Variants in LRRN1 observed in about 807,000 individuals in gnomAD.
LRRN1 encodes the protein leucine-rich repeat neuronal protein 1.
A neutral mutation model predicts 45.8 loss-of-function variants in LRRN1; 14 were observed. The observed-to-expected ratio is 0.31, with a 90% CI of 0.20 to 0.48. The LOEUF (loss-of-function observed/expected upper bound fraction) is 0.48, where lower values mean the gene tolerates loss of function less well. LRRN1 is among the 20% of genes least tolerant of loss of function. The pLI is 0.99. For missense variants in LRRN1, 789 were observed against 874.2 expected (o/e 0.90, Z 1.23); for synonymous variants, 359 against 330.1 (o/e 1.09, Z -0.95).
rs145208261 is a variant in LRRN1, at chr3:3,834,747, C to T, written c.-278-9617C>T. 8.1e-3 allele frequency among the ~76,000 whole-genome samples: 1,226 copies of T among 151,164 alleles called. 19 individuals carry two copies. The highest frequency in any genetic ancestry group is 0.028 in the African/African-American group (1,167 of 41,130). On this transcript the variant is annotated intron_variant, in intron 1 of 1. Transcript: ENST00000319331. Reference sequence around the variant, plus strand: ...GAACTTGGAGTCTGATGTTCGAGGGCAGGAAGCATCCAGCACAGGAGAAAG... The same window carrying T: ...GAACTTGGAGTCTGATGTTCGAGGGTAGGAAGCATCCAGCACAGGAGAAAG...
At chr3:3,808,400 G>C (rs1448139506) in intron 1 of LRRN1, among the ~76,000 whole-genome samples, 2 of 152,188 alleles carry the variant, frequency 1.3e-5, no homozygotes, top group African/African-American at 2.4e-5. Context: ...CCGCAACTAA[G>C]TACCTTGCCC....
Position 3,822,340 on chromosome 3 carries a change from G to A in LRRN1, c.-278-22024G>A, listed in dbSNP as rs1693121378. Among the ~76,000 whole-genome samples, 3 of 152,130 alleles carry A rather than the reference G, an allele frequency of 2.0e-5. No individual in the cohort carries two copies. The South Asian group carries it at 6.2e-4, about 32-fold the overall frequency. ...ATTAACATTAAGATGTAAAAAATTA[G>A]GTGTCTGCAAGGTTAGAAAATAACT... On this transcript the variant is annotated intron_variant, in intron 1 of 1. Transcript: ENST00000319331.
At chr3:3,825,238 G>T (rs917203463) in intron 1 of LRRN1, among the ~76,000 whole-genome samples, 1 of 152,178 alleles carries the variant, frequency 6.6e-6, no homozygotes, top group Non-Finnish European at 1.5e-5. Flanking sequence ...GGGCTAAAGT[G>T]CCATCCATGC....
intron 1 of LRRN1, among the ~76,000 whole-genome samples, chr3:3,834,525 G>GACATATATATATAT (rs750534210): frequency 0.018 from 484 of 27,316 alleles, 40 homozygotes; most frequent in Non-Finnish European, 0.023. Context: ...GACAGAACAG[G>GACATATATATATAT]ATATATATAT....
chr3:3,812,240 G>A (rs973412418), intron 1 of LRRN1, among the ~76,000 whole-genome samples: 1 of 152,168 alleles, frequency 6.6e-6, no homozygotes, highest in East Asian at 1.9e-4. Flanking sequence ...TATCACACAA[G>A]TAAATGTAAA....
At chr3:3,828,080 C>G (rs928599058) in intron 1 of LRRN1, among the ~76,000 whole-genome samples, 2 of 151,194 alleles carry the variant, frequency 1.3e-5, no homozygotes, top group East Asian at 3.9e-4. Flanking sequence ...TGAGGGCTCA[C>G]TATGTGCTGG....
chr3:3,810,665 C>T (rs1438136919), intron 1 of LRRN1, among the ~76,000 whole-genome samples: 1 of 152,134 alleles, frequency 6.6e-6, no homozygotes, highest in African/African-American at 2.4e-5. Context: ...CCTGATCACA[C>T]CACTGTACTC....
At chr3:3,840,521 A>G (rs1693626865) in intron 1 of LRRN1, among the ~76,000 whole-genome samples, 1 of 152,228 alleles carries the variant, frequency 6.6e-6, no homozygotes. Flanking sequence ...TGTTCTATGT[A>G]TAATGTCACA....
At chr3:3,835,783 G>A (rs779944687) in intron 1 of LRRN1, among the ~76,000 whole-genome samples, 1 of 151,888 alleles carries the variant, frequency 6.6e-6, no homozygotes, top group Non-Finnish European at 1.5e-5. Context: ...TCTCCGCCAA[G>A]TGCAGTGATG....
At position 3,846,198 on chromosome 3, in the gene LRRN1, C is replaced by T. The variant is rs775608325; in HGVS notation, c.1557C>T (p.Thr519=). Residue 519 remains threonine (T), a synonymous_variant, in exon 2 of 2, where the codon ACC becomes ACT. Coordinates refer to ENST00000319331, the MANE Select transcript of LRRN1 (RefSeq NM_020873.7). The surrounding 1 kb of genome is among the most constrained non-coding windows in gnomAD (Gnocchi z 5.7). ...TGGCAACAATTAAGGTTAATGGGAC[C>T]CTTCTGGATGGTACCCAGGTGCTAA... The part of the protein sequence containing the change: ...TRVATIKVNG[T]LLDGTQVLKI... 6.8e-6 allele frequency: 11 copies of T among 1,613,930 alleles called. No individual in the cohort carries two copies. The highest frequency in any genetic ancestry group is 1.7e-5 in the Admixed American group (1 of 59,998).
At chr3:3,817,968 A>G (rs1287083332) in intron 1 of LRRN1, among the ~76,000 whole-genome samples, 2 of 152,236 alleles carry the variant, frequency 1.3e-5, no homozygotes, top group African/African-American at 2.4e-5. Context: ...CCAAAAATCT[A>G]TGGCTCAGTA....
At chr3:3,843,569 ACC>A (rs11386855) in intron 1 of LRRN1, among the ~76,000 whole-genome samples, 1 of 148,368 alleles carries the variant, frequency 6.7e-6, no homozygotes, top group Non-Finnish European at 1.5e-5. Context: ...TTCCCACTGT[ACC>A]CCCCCCCATA....
intron 1 of LRRN1, among the ~76,000 whole-genome samples, chr3:3,834,525 G>GAGATATATATATATATAT (rs750534210): frequency 2.5e-3 from 68 of 27,326 alleles, no homozygotes; most frequent in African/African-American, 5.7e-3. Flanking sequence ...GACAGAACAG[G>GAGATATATATATATATAT]ATATATATAT....
intron 1 of LRRN1, among the ~76,000 whole-genome samples, chr3:3,808,943 A>T (rs1361984524): frequency 6.6e-6 from 1 of 152,202 alleles, no homozygotes; most frequent in African/African-American, 2.4e-5. Flanking sequence ...GAGAATGCAT[A>T]GTTACAGATT....
At chr3:3,804,009 T>C (rs190584623) in intron 1 of LRRN1, 3 of 152,368 alleles carry the variant, frequency 2.0e-5, no homozygotes, top group Admixed American at 6.5e-5. Context: ...CCTGTAGAAC[T>C]GTTAAGCATA....
At chr3:3,825,460 A>G (rs1197434335) in intron 1 of LRRN1, among the ~76,000 whole-genome samples, 1 of 152,214 alleles carries the variant, frequency 6.6e-6, no homozygotes, top group Non-Finnish European at 1.5e-5. Context: ...GTACATTTAT[A>G]TCACCAGAGA....
chr3:3,827,468 A>G (rs1693248131), intron 1 of LRRN1: 1 of 456,708 alleles, frequency 2.2e-6, no homozygotes, highest in Non-Finnish European at 4.4e-6. Context: ...TGGAGTAGCT[A>G]CAGGCAATGT....
At chr3:3,827,849 A>G (rs867261669) in intron 1 of LRRN1, among the ~76,000 whole-genome samples, 3 of 152,238 alleles carry the variant, frequency 2.0e-5, no homozygotes, top group Middle Eastern at 3.4e-3. Context: ...TAGGGTTTCA[A>G]TTTAGCTTTA....
In LRRN1 at chr3:3,845,154, G is replaced by C; in HGVS notation, c.513G>C (p.Arg171Ser). The change falls in exon 2 of 2, where the codon AGG becomes AGC. Residue 171 changes from arginine to serine, a missense_variant. Physicochemically the swap from Arg to Ser is moderately radical, Grantham distance 110. Coordinates refer to ENST00000319331, the MANE Select transcript of LRRN1 (RefSeq NM_020873.7). This position sits in a 1 kb window ranked among gnomAD's most constrained non-coding sequence, Gnocchi z 6.5. ...TTGCAGGCTTAAAAAATCTATTAAG[G>C]CTCCACCTGAACTCCAACAAATTGA... ...HAFAGLKNLLRLHLNSNKLKV... is the reference protein window; with the variant it reads ...HAFAGLKNLLSLHLNSNKLKV... 6.2e-7 allele frequency: 1 copy of C among 1,614,048 alleles called. No individual in the cohort carries two copies. The highest frequency in any genetic ancestry group is 8.5e-7 in the Non-Finnish European group (1 of 1,180,002).
Sources: allele counts gnomAD v4.1 joint callset (sites outside exome capture counted in the v4.1 genomes callset), GRCh38; gene constraint gnomAD v4.1.1; non-coding constraint Gnocchi (gnomAD v3.1); transcripts MANE v1.5; gene names NCBI Gene and HGNC (gene_info 2026-07-23, HGNC 2026-07-21).